Variants in TNS3 observed in about 807,000 individuals in gnomAD.
The protein encoded by TNS3 is tensin-3.
A neutral mutation model predicts 140.9 loss-of-function variants in TNS3; 45 were observed. The observed-to-expected ratio is 0.32, with a 90% CI of 0.25 to 0.41. TNS3 has a LOEUF of 0.41. Among genes scored for constraint, TNS3 ranks in the 10% least tolerant of loss-of-function variants. The probability of loss-of-function intolerance (pLI) is 1.00; values close to 1 mark genes in which losing one functional copy is unlikely to be tolerated. For missense variants in TNS3, 1,716 were observed against 1,906.7 expected, an observed-to-expected ratio of 0.90 and a Z score of 1.86; for synonymous variants, 815 against 788.4, an observed-to-expected ratio of 1.03 and a Z score of -0.56.
intron 17 of TNS3, among the ~76,000 whole-genome samples, chr7:47,362,897 TCAC>T (rs372759332): frequency 1.0e-5 from 1 of 97,726 alleles, no homozygotes; most frequent in Non-Finnish European, 2.1e-5. Context: ...ACCATCACCA[TCAC>T]CACCATCAAC....
At chr7:47,319,378 CGAGAGA>C (rs141689314) in intron 20 of TNS3, among the ~76,000 whole-genome samples, 1 of 149,428 alleles carries the variant, frequency 6.7e-6, no homozygotes, top group Admixed American at 6.7e-5. Flanking sequence ...GAGAGGAAGG[CGAGAGA>C]GAGAGAGTGA....
At chr7:47,333,593 C>T (rs1788459894) in intron 20 of TNS3, among the ~76,000 whole-genome samples, 1 of 152,128 alleles carries the variant, frequency 6.6e-6, no homozygotes, top group Admixed American at 6.5e-5. Flanking sequence ...CATTCTCATT[C>T]AGAGCTCATA....
chr7:47,504,480 G>A (rs1383044426), intron 3 of TNS3, among the ~76,000 whole-genome samples: 7 of 152,264 alleles, frequency 4.6e-5, no homozygotes. Flanking sequence ...ACACCATCGA[G>A]GGGGTTTAAC....
intron 1 of TNS3, among the ~76,000 whole-genome samples, chr7:47,541,991 G>C (rs375111196): frequency 6.6e-6 from 1 of 151,748 alleles, no homozygotes; most frequent in African/African-American, 2.4e-5. Flanking sequence ...TCTCAGAGAG[G>C]CAATGGGAGT....
chr7:47,322,310 T>C (rs998575039), intron 20 of TNS3, among the ~76,000 whole-genome samples: 1 of 146,428 alleles, frequency 6.8e-6, no homozygotes, highest in East Asian at 2.0e-4. Flanking sequence ...GATCACGAGG[T>C]CAGGAATTCA....
intron 16 of TNS3, among the ~76,000 whole-genome samples, chr7:47,394,010 C>G (rs1202359949): frequency 6.6e-6 from 1 of 152,180 alleles, no homozygotes; most frequent in Admixed American, 6.5e-5. Context: ...ATGGCTCCAC[C>G]ACCTCCAACC....
intron 26 of TNS3, 64 bp downstream of exon 26, chr7:47,292,763 TA>T: frequency 7.0e-7 from 1 of 1,428,876 alleles, no homozygotes. Context: ...CATGGATCTC[TA>T]AAACCGGTGG....
intron 3 of TNS3, among the ~76,000 whole-genome samples, chr7:47,490,668 AC>A (rs1797777299): frequency 6.6e-6 from 1 of 152,206 alleles, no homozygotes; most frequent in Non-Finnish European, 1.5e-5. Flanking sequence ...GGAGACACCT[AC>A]AAGGGGGCAC....
chr7:47,395,227 A>G (rs1289676974), intron 16 of TNS3, among the ~76,000 whole-genome samples: 1 of 152,156 alleles, frequency 6.6e-6, no homozygotes, highest in Admixed American at 6.5e-5. Flanking sequence ...AGCGCTGCTC[A>G]CTGGCTCCCA....
chr7:47,418,434 T>C (rs1250146152), intron 10 of TNS3, among the ~76,000 whole-genome samples: 1 of 152,232 alleles, frequency 6.6e-6, no homozygotes, highest in Non-Finnish European at 1.5e-5. Context: ...TAAAGGTAGA[T>C]ATAAATGAAT....
chr7:47,527,474 A>C (rs1163453550), intron 2 of TNS3, among the ~76,000 whole-genome samples: 4 of 152,002 alleles, frequency 2.6e-5, no homozygotes, highest in Non-Finnish European at 5.9e-5. Context: ...ATTTCTCATC[A>C]CCTTACACCT....
chr7:47,574,569 G>C (rs777210147), intron 1 of TNS3, among the ~76,000 whole-genome samples: 1 of 151,922 alleles, frequency 6.6e-6, no homozygotes, highest in Non-Finnish European at 1.5e-5. Flanking sequence ...CCGAAGGGTA[G>C]AAGTAACTGA....
chr7:47,419,479 T>G (rs1204449717), intron 10 of TNS3, among the ~76,000 whole-genome samples: 1 of 152,252 alleles, frequency 6.6e-6, no homozygotes, highest in Non-Finnish European at 1.5e-5. Context: ...CCTTGGCTAT[T>G]CCTGGGCTTG....
chr7:47,559,765 C>T (rs982919776), intron 1 of TNS3, among the ~76,000 whole-genome samples: 3 of 152,176 alleles, frequency 2.0e-5, no homozygotes, highest in African/African-American at 7.2e-5. Context: ...CAGGCCCAAG[C>T]TCCACCATGC....
At chr7:47,314,003 G>A (rs1787252800) in intron 20 of TNS3, among the ~76,000 whole-genome samples, 1 of 152,196 alleles carries the variant, frequency 6.6e-6, no homozygotes. Context: ...TTTATCCCAA[G>A]GACTTCAGCA....
chr7:47,284,781 TAAAGTTTCACTTA>T (rs944735574), intron 27 of TNS3, among the ~76,000 whole-genome samples: 9 of 152,354 alleles, frequency 5.9e-5, no homozygotes, highest in African/African-American at 2.2e-4. Context: ...TAAAGGCCTC[TAAAGTTTCACTTA>T]ACAGAAAAAG....
chr7:47,578,649 A>G (rs2152029895), intron 1 of TNS3, among the ~76,000 whole-genome samples: 1 of 152,178 alleles, frequency 6.6e-6, no homozygotes. Context: ...CATGCAGACA[A>G]TGGAGACACC....
chr7:47,507,452 A>G (rs549801420), intron 2 of TNS3, among the ~76,000 whole-genome samples: 1 of 152,334 alleles, frequency 6.6e-6, no homozygotes, highest in South Asian at 2.1e-4. Flanking sequence ...TTTGTGAGAA[A>G]GTCGTGCATC....
At chr7:47,362,579 T>C (rs913192123) in intron 17 of TNS3, among the ~76,000 whole-genome samples, 4 of 152,140 alleles carry the variant, frequency 2.6e-5, no homozygotes, top group African/African-American at 9.7e-5. Context: ...TTTAGTGGAA[T>C]TAGGACATAG....
Sources: gnomAD v4.1 joint callset for allele counts (sites outside exome capture counted in the v4.1 genomes callset) on GRCh38, gnomAD v4.1.1 for gene constraint, MANE v1.5 for transcripts, NCBI Gene and HGNC (gene_info 2026-07-23, HGNC 2026-07-21) for gene names.